Variants in PCDHGB1 observed in about 807,000 individuals in gnomAD.
The protein encoded by PCDHGB1 is protocadherin gamma subfamily B, 1.
In PCDHGB1, 34 loss-of-function variants were observed where a neutral mutation model predicts 56.6. That is an observed-to-expected ratio of 0.60 (90% CI 0.46 to 0.80). The LOEUF (loss-of-function observed/expected upper bound fraction) is 0.80, where lower values mean the gene tolerates loss of function less well. Ranked by LOEUF, PCDHGB1 falls within the 30% of genes least tolerant of loss-of-function variation. The pLI is 0.00. For synonymous variants in PCDHGB1, 561 were observed against 505.9 expected, an observed-to-expected ratio of 1.11 and a Z score of -1.46; for missense variants, 1,278 against 1,204.6, an observed-to-expected ratio of 1.06 and a Z score of -0.90.
intron 1 of PCDHGB1, among the ~76,000 whole-genome samples, chr5:141,455,519 G>T (rs1439363688): frequency 1.3e-5 from 2 of 152,158 alleles, no homozygotes; most frequent in East Asian, 3.9e-4. Flanking sequence ...TCAGGGGATT[G>T]GTTTGACCAG....
chr5:141,420,286 A>C, intron 1 of PCDHGB1: 1 of 1,505,774 alleles, frequency 6.6e-7, no homozygotes, highest in Non-Finnish European at 8.9e-7. Flanking sequence ...TAAGTATTTA[A>C]AAATGTATTT....
rs770283696 is a variant in PCDHGB1, at chr5:141,385,127, T to G, written c.2409+32458T>G. On this transcript the variant is annotated intron_variant, in intron 1 of 3. Transcript: ENST00000523390. ...GTGCCCACCTCGCACTTTGTGGGCA[T>G]GGACGGGGTGCAGGCTTTCCTGCAG... is the stretch of plus-strand genomic sequence containing the variant. 6.2e-6 allele frequency: 10 copies of G among 1,614,222 alleles called. No individual in the cohort carries two copies. The South Asian group carries it at 7.7e-5, about 12-fold the overall frequency.
chr5:141,460,455 A>AT (rs2098989699), intron 1 of PCDHGB1, among the ~76,000 whole-genome samples: 1 of 152,080 alleles, frequency 6.6e-6, no homozygotes, highest in Non-Finnish European at 1.5e-5. Flanking sequence ...GAAGATTCAT[A>AT]TTTTTTTCCA....
intron 1 of PCDHGB1, among the ~76,000 whole-genome samples, chr5:141,402,737 G>T (rs948478466): frequency 3.9e-5 from 6 of 152,276 alleles, no homozygotes; most frequent in East Asian, 1.9e-4. Context: ...CGCCGCTGTT[G>T]ATCAACTCTA....
intron 2 of PCDHGB1, 117 bp downstream of exon 2, chr5:141,494,982 G>C: frequency 6.4e-7 from 1 of 1,563,940 alleles, no homozygotes; most frequent in Non-Finnish European, 8.7e-7. Context: ...CTCAGTTTGA[G>C]ATCCCAGGGA....
rs774589363 is a variant in PCDHGB1, at chr5:141,350,332, C to T, written c.72C>T (p.Cys24=). 6.5e-7 allele frequency: 1 copy of T among 1,537,558 alleles called. No homozygotes were observed. The highest frequency in any genetic ancestry group is 8.7e-7 in the Non-Finnish European group (1 of 1,144,128). Reference sequence around the variant, plus strand: ...TTCCCTTCCTGCTGTCTTTGTTCTGCGGGGCCATCTCCCAGCAGATCCGAT... The same window carrying T: ...TTCCCTTCCTGCTGTCTTTGTTCTGTGGGGCCATCTCCCAGCAGATCCGAT... ...VLFPFLLSLF[C]GAISQQIRYT... Residue 24 remains cysteine, a synonymous_variant, in exon 1 of 4, where the codon TGC becomes TGT. Coordinates refer to ENST00000523390, the MANE Select transcript of PCDHGB1 (RefSeq NM_018922.3).
intron 1 of PCDHGB1, chr5:141,427,916 G>T: frequency 1.3e-6 from 2 of 1,578,854 alleles, no homozygotes; most frequent in East Asian, 2.2e-5. Flanking sequence ...GCGCCAACAT[G>T]AGCCGGCGCA....
At chr5:141,355,043 A>G in intron 1 of PCDHGB1, 1 of 1,127,008 alleles carries the variant, frequency 8.9e-7, no homozygotes, top group South Asian at 1.9e-5. Flanking sequence ...TTTCTGCAGC[A>G]CAAAGCACTG....
intron 1 of PCDHGB1, among the ~76,000 whole-genome samples, chr5:141,462,771 G>C (rs1295560657): frequency 6.6e-6 from 1 of 152,088 alleles, no homozygotes; most frequent in Non-Finnish European, 1.5e-5. Context: ...CTGGCTTGGG[G>C]TCATAATTTG....
rs2099450974 is a variant in PCDHGB1 at position 141,478,361 on chromosome 5, G to A, written c.2410-16446G>A. 6 of 1,613,776 alleles carry A rather than the reference G, an allele frequency of 3.7e-6. No individual in the cohort carries two copies. The East Asian group carries it at 1.3e-4, about 36-fold the overall frequency. ...CTCCTTGCACGCGGACGCCGTGCGGGGAGGCCTGATGTCGCCGCACCTTTA... is the reference window on the plus strand; with the variant it reads ...CTCCTTGCACGCGGACGCCGTGCGGAGAGGCCTGATGTCGCCGCACCTTTA... On this transcript the variant is annotated intron_variant, in intron 1 of 3. Coordinates refer to ENST00000523390, the MANE Select transcript of PCDHGB1 (RefSeq NM_018922.3).
rs186469397 is a variant in PCDHGB1 at position 141,376,362 on chromosome 5, C to G, written c.2409+23693C>G. ...ACCTATTCCCACGAGGTCTCACTCA[C>G]TGCAGACTCGCGTAAGAGTCATCTG... On this transcript the variant is annotated intron_variant, in intron 1 of 3. Transcript: ENST00000523390. 5.1e-3 allele frequency: 8,179 copies of G among 1,614,250 alleles called. 35 individuals carry two copies. The highest frequency in any genetic ancestry group is 6.1e-3 in the Non-Finnish European group (7,170 of 1,180,044).
intron 1 of PCDHGB1, chr5:141,411,948 G>A (rs2095525022): frequency 1.3e-5 from 2 of 152,152 alleles, no homozygotes. Flanking sequence ...GAAGATTTTT[G>A]AAGAAAAAAG....
At chr5:141,371,573 A>G in intron 1 of PCDHGB1, 1 of 1,613,948 alleles carries the variant, frequency 6.2e-7, no homozygotes, top group Non-Finnish European at 8.5e-7. Flanking sequence ...TCCCCTTTAA[A>G]ATCGTTCAAG....
chr5:141,420,018 G>T, intron 1 of PCDHGB1: 2 of 1,614,066 alleles, frequency 1.2e-6, no homozygotes, highest in African/African-American at 2.7e-5. Flanking sequence ...CAGTCTTTCA[G>T]CCCTACTGCA....
At chr5:141,483,980 G>A (rs1379963326) in intron 1 of PCDHGB1, among the ~76,000 whole-genome samples, 4 of 148,294 alleles carry the variant, frequency 2.7e-5, no homozygotes, top group Non-Finnish European at 5.9e-5. Flanking sequence ...CAAGGGAGTA[G>A]CTAGGTTGCT....
chr5:141,417,659 A>G, intron 1 of PCDHGB1: 1 of 869,514 alleles, frequency 1.2e-6, no homozygotes, highest in Non-Finnish European at 1.7e-6. Context: ...CTAGCCTGGG[A>G]TTCCCTGCGC....
chr5:141,375,828 C>T, intron 1 of PCDHGB1: 1 of 1,614,168 alleles, frequency 6.2e-7, no homozygotes. Context: ...CCCCGCTCCG[C>T]AGAGCCCGGC....
chr5:141,376,178 G>A (rs1249141559), intron 1 of PCDHGB1: 1 of 1,614,106 alleles, frequency 6.2e-7, no homozygotes, highest in Non-Finnish European at 8.5e-7. Context: ...GGCGGTGGCC[G>A]CGGTCTCCTG....
At chr5:141,463,900 C>G (rs879243077) in intron 1 of PCDHGB1, among the ~76,000 whole-genome samples, 4 of 152,168 alleles carry the variant, frequency 2.6e-5, no homozygotes, top group Admixed American at 2.6e-4. Context: ...GCTTTTTGTA[C>G]TAATAATATA....
Sources: gnomAD v4.1 joint callset for allele counts (sites outside exome capture counted in the v4.1 genomes callset) on GRCh38, gnomAD v4.1.1 for gene constraint, MANE v1.5 for transcripts, NCBI Gene and HGNC (gene_info 2026-07-23, HGNC 2026-07-21) for gene names.